The following PCNX4 variants were observed in gnomAD, a reference collection of about 807,000 sequenced individuals.
The protein encoded by PCNX4 is pecanex 4.
Under a neutral mutation model 107.2 loss-of-function variants are expected in PCNX4, and 103 were observed. That is an observed-to-expected ratio of 0.96 (90% CI 0.82 to 1.13). The LOEUF is 1.13. Ranked by LOEUF, PCNX4 falls within the 50% of genes most tolerant of loss-of-function variation. The pLI is 0.00. For missense variants in PCNX4, 1,528 were observed against 1,379.4 expected, an observed-to-expected ratio of 1.11 and a Z score of -1.71; for synonymous variants, 541 against 481.7, an observed-to-expected ratio of 1.12 and a Z score of -1.61.
chr14:60,097,267 G>A (rs907279619), intron 1 of PCNX4, among the ~76,000 whole-genome samples: 2 of 152,122 alleles, frequency 1.3e-5, no homozygotes, highest in East Asian at 1.9e-4. Context: ...CAGGGTAATT[G>A]AGACAATATC....
chr14:60,113,939 C>A (rs1198834893), intron 2 of PCNX4, among the ~76,000 whole-genome samples: 1 of 152,056 alleles, frequency 6.6e-6, no homozygotes, highest in East Asian at 1.9e-4. Context: ...AGTGCTGTGC[C>A]AAGTTTGAGT....
chr14:60,122,274 C>CTA (rs749488098), intron 8 of PCNX4, among the ~76,000 whole-genome samples: 5 of 152,116 alleles, frequency 3.3e-5, no homozygotes, highest in Non-Finnish European at 7.4e-5. Context: ...TCTTTAAAAT[C>CTA]TAAGTCAAAC....
chr14:60,122,234 G>A (rs754753388), intron 8 of PCNX4, among the ~76,000 whole-genome samples: 7 of 152,032 alleles, frequency 4.6e-5, no homozygotes, highest in Non-Finnish European at 1.0e-4. Context: ...CCACCTATGT[G>A]CCCCTACAGT....
chr14:60,121,423 C>T (rs1895953661), intron 8 of PCNX4, 124 bp downstream of exon 8: 4 of 1,019,458 alleles, frequency 3.9e-6, no homozygotes, highest in Non-Finnish European at 4.2e-6. Flanking sequence ...GTGAAAACAC[C>T]TAGGGATTTT....
At chr14:60,100,898 C>T (rs1470004659) in intron 1 of PCNX4, among the ~76,000 whole-genome samples, 1 of 152,210 alleles carries the variant, frequency 6.6e-6, no homozygotes, top group African/African-American at 2.4e-5. Flanking sequence ...TAATGAGTCC[C>T]CTTTCCCCTT....
rs753081172 is a variant in PCNX4 at position 60,124,407 on chromosome 14, A to G, written c.2236A>G (p.Ile746Val). The change falls in exon 9 of 11, where the codon ATA (isoleucine) becomes GTA (valine). Residue 746 changes from isoleucine (I) to valine (V), a missense_variant. Physicochemically the swap from Ile to Val is conservative, Grantham distance 29. Coordinates refer to ENST00000406854, the MANE Select transcript of PCNX4 (RefSeq NM_001330177.2). ...TGATGCCAGGAATGTTCTATCAGGC[A>G]TAATTGATTCTCATGAAAACTTAAA... ...YSDARNVLSGIIDSHENLKEF... is the reference protein window; with the variant it reads ...YSDARNVLSGVIDSHENLKEF... 6.2e-7 allele frequency: 1 copy of G among 1,613,606 alleles called. No homozygotes were observed. Among genetic ancestry groups the G allele is most frequent in the Admixed American group, 1.7e-5 (1 of 59,924 alleles).
rs1406615972 is a variant in PCNX4 at position 60,121,601 on chromosome 14, A to G, written c.2046+302A>G. On this transcript the variant is annotated intron_variant, in intron 8 of 10. Transcript: ENST00000406854. ...AATCAGTAATTTTTTTTTAACTCCT[A>G]TATCATTTAAGCATTCTCAACTTAA... Among the ~76,000 whole-genome samples, 13 of 151,926 alleles carry G rather than the reference A, an allele frequency of 8.6e-5. No homozygotes were observed. The South Asian group carries it at 1.9e-3, about 22-fold the overall frequency.
chr14:60,094,504 A>G (rs1320869084), intron 1 of PCNX4, among the ~76,000 whole-genome samples: 1 of 152,138 alleles, frequency 6.6e-6, no homozygotes, highest in Admixed American at 6.5e-5. Flanking sequence ...CACAACACAC[A>G]AGAACATCCT....
chr14:60,102,369 A>C (rs887707627), intron 1 of PCNX4, among the ~76,000 whole-genome samples: 1 of 152,186 alleles, frequency 6.6e-6, no homozygotes, highest in Admixed American at 6.5e-5. Flanking sequence ...TGTTGAACTT[A>C]GAGAAATATA....
rs554389192 is a variant in PCNX4 at position 60,141,391 on chromosome 14, A to G, written c.*7170A>G. The G allele has an allele frequency of 1.3e-5, 2 of 152,350 alleles. No homozygotes were observed. The highest frequency in any genetic ancestry group is 4.8e-5 in the African/African-American group (2 of 41,588). 9.4% of individuals were successfully genotyped at this position (152,350 alleles called of 1,614,324 possible). ...AGAAAATCCATAAACCTGTAGAAAG[A>G]CTGACAAAAAGAAAAAACACAAATC... On this transcript the variant is annotated 3_prime_UTR_variant, in exon 11 of 11. Transcript: ENST00000406854.
At position 60,132,260 on chromosome 14, in the gene PCNX4, A is replaced by G. The variant is rs187715575; in HGVS notation, c.3268-1710A>G. ...CTTATTCTCTATACTCTCATGTGTC[A>G]ATTCTACCACTACTTTCTTTTATAA... On this transcript the variant is annotated intron_variant, in intron 10 of 10. Transcript: ENST00000406854. 7.1e-3 allele frequency among the ~76,000 whole-genome samples: 1,080 copies of G among 152,238 alleles called. 9 individuals are homozygous for G. The highest frequency in any genetic ancestry group is 0.024 in the African/African-American group (1,014 of 41,534).
At position 60,140,040 on chromosome 14, in the gene PCNX4, G is replaced by A. The variant is rs145949764; in HGVS notation, c.*5819G>A. ...TGAAGAAAATAAAGGAAATAATAAA[G>A]AACAAGAATTAATGGAGTAGAAAAT... On this transcript the variant is annotated 3_prime_UTR_variant, in exon 11 of 11. Coordinates refer to ENST00000406854, the MANE Select transcript of PCNX4 (RefSeq NM_001330177.2). This position sits in a 1 kb window ranked among gnomAD's most constrained non-coding sequence, Gnocchi z 4.2. The A allele has an allele frequency of 2.0e-3, 304 of 151,748 alleles. 2 individuals carry two copies. Among genetic ancestry groups the A allele is most frequent in the African/African-American group, 6.9e-3 (285 of 41,410 alleles). 9.4% of individuals were successfully genotyped at this position (151,748 alleles called of 1,614,324 possible). A position where few individuals can be genotyped will look rare whatever the true frequency, so the allele number is the denominator to read the frequency against.
intron 2 of PCNX4, among the ~76,000 whole-genome samples, chr14:60,112,982 G>T (rs1021726295): frequency 6.6e-6 from 1 of 152,210 alleles, no homozygotes; most frequent in East Asian, 1.9e-4. Context: ...AAGACATCGA[G>T]ACCATCCTGG....
intron 10 of PCNX4, chr14:60,133,630 C>T (rs1896193795): frequency 4.1e-6 from 2 of 485,638 alleles, no homozygotes; most frequent in Non-Finnish European, 8.0e-6. Flanking sequence ...TAAAAAGAGC[C>T]TATTGTATCA....
At chr14:60,109,088 G>A (rs866230595) in intron 2 of PCNX4, 1 of 166,932 alleles carries the variant, frequency 6.0e-6, no homozygotes, top group African/African-American at 2.4e-5. Context: ...TTGGTATGAT[G>A]GGACTAGTCC....
intron 1 of PCNX4, among the ~76,000 whole-genome samples, chr14:60,106,686 A>C (rs995587764): frequency 1.8e-4 from 27 of 152,364 alleles, no homozygotes; most frequent in African/African-American, 6.0e-4. Context: ...TGCTGCCCCA[A>C]ATTTCTCTCC....
chr14:60,131,391 C>G (rs1188455491), intron 10 of PCNX4, among the ~76,000 whole-genome samples: 1 of 152,028 alleles, frequency 6.6e-6, no homozygotes, highest in African/African-American at 2.4e-5. Flanking sequence ...GATCAACATA[C>G]AAAAATCTGG....
rs543338670 is a variant in PCNX4 at position 60,125,317 on chromosome 14, G to A, written c.3080+66G>A. On this transcript the variant is annotated intron_variant, in intron 9 of 10. Coordinates refer to ENST00000406854, the MANE Select transcript of PCNX4 (RefSeq NM_001330177.2). The stretch of plus-strand genomic sequence containing the variant: ...AAAAATACTGATTTTTCTAAATCAC[G>A]TACAAGAAGACAGTTATTCGTTTCT... 3.9e-5 allele frequency: 53 copies of A among 1,354,954 alleles called. No individual in the cohort carries two copies. In the South Asian group the frequency reaches 7.1e-4, roughly 18 times the overall value. The allele number at this position is 1,354,954 out of a possible 1,614,324, so 83.9% of individuals were successfully genotyped here. A position where few individuals can be genotyped will look rare whatever the true frequency, so the allele number is the denominator to read the frequency against.
rs919973016 is a variant in PCNX4, at chr14:60,145,941, G to C, written c.*11720G>C. The C allele has an allele frequency of 5.9e-5, 9 of 151,282 alleles. No homozygotes were observed. The highest frequency in any genetic ancestry group is 1.2e-4 in the Non-Finnish European group (8 of 67,874). 9.4% of individuals were successfully genotyped at this position (151,282 alleles called of 1,614,324 possible). Reference sequence around the variant, plus strand: ...ATACAGACTAAAGAAGCAAATTCTAGTTAACAAGTACTATTAGCTTGAAAT... The same window carrying C: ...ATACAGACTAAAGAAGCAAATTCTACTTAACAAGTACTATTAGCTTGAAAT... On this transcript the variant is annotated 3_prime_UTR_variant, in exon 11 of 11. Transcript: ENST00000406854. The surrounding 1 kb of genome is among the most constrained non-coding windows in gnomAD (Gnocchi z 4.0).
Sources: gnomAD v4.1 joint callset for allele counts (sites outside exome capture counted in the v4.1 genomes callset) on GRCh38, gnomAD v4.1.1 for gene constraint, Gnocchi (gnomAD v3.1) non-coding constraint, MANE v1.5 for transcripts, NCBI Gene and HGNC (gene_info 2026-07-23, HGNC 2026-07-21) for gene names.